Variants in ANK3 observed in about 807,000 individuals in gnomAD.
ANK3 encodes the protein ankyrin 3, also known as ankyrin-3.
In ANK3, 57 loss-of-function variants were observed where a neutral mutation model predicts 370.9. The ratio of observed to expected loss-of-function variants is 0.15; its 90% confidence interval spans 0.12 to 0.19. The LOEUF (loss-of-function observed/expected upper bound fraction) is 0.19. Ranked by LOEUF, ANK3 falls within the 10% of genes least tolerant of loss-of-function variation. The probability of loss-of-function intolerance (pLI) is 1.00; values close to 1 mark genes in which losing one functional copy is unlikely to be tolerated. For synonymous variants in ANK3, 1,929 were observed against 1,946.3 expected (o/e 0.99, Z 0.23); for missense variants, 4,439 against 5,302.1 (o/e 0.84, Z 5.06).
chr10:60,686,047 C>A (rs12413149), intron 1 of ANK3, among the ~76,000 whole-genome samples: 1 of 151,944 alleles, frequency 6.6e-6, no homozygotes, highest in African/African-American at 2.4e-5. Context: ...AAATAAAAAT[C>A]GAATTTTTAT....
At chr10:60,444,830 C>T (rs932587503) in intron 2 of ANK3, among the ~76,000 whole-genome samples, 1 of 152,054 alleles carries the variant, frequency 6.6e-6, no homozygotes, top group African/African-American at 2.4e-5. Flanking sequence ...GAAGGGCCTT[C>T]TAATTTTCTA....
intron 1 of ANK3, among the ~76,000 whole-genome samples, chr10:60,299,159 A>C (rs1347931200): frequency 1.3e-5 from 2 of 152,204 alleles, no homozygotes; most frequent in East Asian, 3.8e-4. Flanking sequence ...AGACACACAG[A>C]ATGTTTATAA....
At chr10:60,470,104 A>G (rs1013091606) in intron 2 of ANK3, among the ~76,000 whole-genome samples, 3 of 152,148 alleles carry the variant, frequency 2.0e-5, no homozygotes, top group African/African-American at 7.2e-5. Flanking sequence ...GTCAGTCTAC[A>G]AAGTTTTTCG....
At chr10:60,079,448 A>G (rs2084657515) in intron 36 of ANK3, among the ~76,000 whole-genome samples, 1 of 152,192 alleles carries the variant, frequency 6.6e-6, no homozygotes, top group South Asian at 2.1e-4. Context: ...GACCATCTCA[A>G]CTAAGTGGTG....
At chr10:60,455,270 C>T (rs150774476) in intron 2 of ANK3, among the ~76,000 whole-genome samples, 2,475 of 152,202 alleles carry the variant, frequency 0.016, 30 homozygotes, top group South Asian at 0.038. Flanking sequence ...TTTGTCTCAG[C>T]GCTGCATGTT....
At chr10:60,701,498 C>T (rs2079545548) in intron 1 of ANK3, among the ~76,000 whole-genome samples, 1 of 151,782 alleles carries the variant, frequency 6.6e-6, no homozygotes, top group Non-Finnish European at 1.5e-5. Context: ...TATAATAGCA[C>T]AAAACTGGGA....
chr10:60,421,424 C>T (rs2063776777), intron 2 of ANK3, among the ~76,000 whole-genome samples: 1 of 151,980 alleles, frequency 6.6e-6, no homozygotes, highest in African/African-American at 2.4e-5. Flanking sequence ...TCTCTGAGTA[C>T]TCCATGTAAA....
intron 7 of ANK3, 66 bp from the exon 8 acceptor site, chr10:60,234,852 C>T (rs1354594557): frequency 1.0e-6 from 1 of 968,304 alleles, no homozygotes; most frequent in Non-Finnish European, 1.6e-6. Context: ...CCTTTCTAAA[C>T]TTCCCCCAAC....
intron 2 of ANK3, among the ~76,000 whole-genome samples, chr10:60,467,484 A>G (rs1217097507): frequency 6.6e-6 from 1 of 152,190 alleles, no homozygotes; most frequent in East Asian, 1.9e-4. Context: ...TTCTTTACAG[A>G]AGGTTTTTGA....
intron 1 of ANK3, among the ~76,000 whole-genome samples, chr10:60,716,146 C>G (rs1407877000): frequency 6.6e-6 from 1 of 151,898 alleles, no homozygotes; most frequent in Admixed American, 6.6e-5. Context: ...TTAATACTAT[C>G]GCTCATAAAA....
chr10:60,088,054 C>T, intron 29 of ANK3, 93 bp downstream of exon 29: 1 of 977,624 alleles, frequency 1.0e-6, no homozygotes, highest in Non-Finnish European at 1.6e-6. Flanking sequence ...TTAGCAGTAT[C>T]ATTAGGATGT....
At chr10:60,535,767 T>C (rs1429789769) in intron 2 of ANK3, among the ~76,000 whole-genome samples, 3 of 151,964 alleles carry the variant, frequency 2.0e-5, no homozygotes, top group African/African-American at 7.2e-5. Flanking sequence ...CAGATATACA[T>C]ATACTACATA....
At chr10:60,124,038 T>A (rs927321281) in intron 25 of ANK3, among the ~76,000 whole-genome samples, 2 of 152,220 alleles carry the variant, frequency 1.3e-5, no homozygotes, top group Non-Finnish European at 2.9e-5. Flanking sequence ...GTAGAAAATA[T>A]TAATTGCCCT....
intron 23 of ANK3, among the ~76,000 whole-genome samples, chr10:60,146,534 G>C (rs1165692896): frequency 6.6e-6 from 1 of 152,108 alleles, no homozygotes; most frequent in Non-Finnish European, 1.5e-5. Flanking sequence ...TATTGCCCAG[G>C]CTGGAGTGCA....
Position 60,076,248 on chromosome 10 carries a change from T to C in ANK3, c.4633A>G (p.Thr1545Ala). The C allele has an allele frequency of 6.2e-7, 1 of 1,614,094 alleles. No homozygotes were observed. The highest frequency in any genetic ancestry group is 8.5e-7 in the Non-Finnish European group (1 of 1,179,962). The change falls in exon 37 of 44, where the codon ACA (threonine) becomes GCA (alanine). Residue 1545 changes from threonine to alanine, a missense_variant. This residue lies in a region of ANK3 where 679 missense variants were observed against 791.0 expected (regional missense o/e 0.86). Transcript: ENST00000280772. ...SPLKSIWSVS[T>A]PSPIKSTLGA... ...AATGTGGATTTGATTGGAGAAGGTG[T>C]CGAAACAGACCATATTGATTTTAAC...
chr10:60,423,248 T>C (rs2063814045), intron 2 of ANK3, among the ~76,000 whole-genome samples: 2 of 152,092 alleles, frequency 1.3e-5, no homozygotes, highest in African/African-American at 4.8e-5. Context: ...GCTTGTGGTC[T>C]ATTTCCACAT....
intron 8 of ANK3, among the ~76,000 whole-genome samples, chr10:60,223,959 C>T (rs1414691505): frequency 1.3e-5 from 2 of 148,750 alleles, no homozygotes; most frequent in Admixed American, 6.7e-5. Context: ...TTTTTTGAAG[C>T]GGAATAAGGA....
At chr10:60,131,165 ACTG>A (rs1382183642) in intron 25 of ANK3, among the ~76,000 whole-genome samples, 3 of 152,342 alleles carry the variant, frequency 2.0e-5, no homozygotes, top group Admixed American at 6.5e-5. Context: ...TAAAATTATC[ACTG>A]CTAAGAAAAT....
intron 28 of ANK3, among the ~76,000 whole-genome samples, chr10:60,094,545 T>A (rs1293698770): frequency 6.6e-6 from 1 of 152,158 alleles, no homozygotes; most frequent in Non-Finnish European, 1.5e-5. Flanking sequence ...TTAAGATATT[T>A]ATAAGTTTTT....
Sources: gnomAD v4.1 joint callset for allele counts (sites outside exome capture counted in the v4.1 genomes callset) on GRCh38, gnomAD v4.1.1 for gene constraint, gnomAD v4.1.1 regional missense constraint, MANE v1.5 for transcripts, NCBI Gene and HGNC (gene_info 2026-07-23, HGNC 2026-07-21) for gene names.